ITGA1: variants seen among roughly 807,000 people sequenced by gnomAD.
ITGA1 encodes integrin alpha-1.
A neutral mutation model predicts 145.9 loss-of-function variants in ITGA1; 85 were observed. The observed-to-expected ratio is 0.58, with a 90% CI of 0.49 to 0.70. The LOEUF is 0.70. ITGA1 is among the 30% of genes least tolerant of loss of function. The pLI is 0.00. For synonymous variants in ITGA1, 520 were observed against 495.3 expected (o/e 1.05, Z -0.66); for missense variants, 1,351 against 1,418.7 (o/e 0.95, Z 0.77).
At chr5:52,857,306 CT>C (rs1363689887) in intron 2 of ITGA1, among the ~76,000 whole-genome samples, 3 of 152,160 alleles carry the variant, frequency 2.0e-5, no homozygotes, top group Non-Finnish European at 2.9e-5. Flanking sequence ...CAAACCTCTC[CT>C]TCTGGATCCA....
intron 2 of ITGA1, among the ~76,000 whole-genome samples, chr5:52,857,961 T>C (rs57077644): frequency 0.011 from 1,673 of 152,292 alleles, 36 homozygotes; most frequent in African/African-American, 0.038. Context: ...AAAACTTACC[T>C]GAACCAAAGT....
intron 1 of ITGA1, chr5:52,801,329 T>C: frequency 7.7e-7 from 1 of 1,291,012 alleles, no homozygotes; most frequent in Non-Finnish European, 1.1e-6. Context: ...TACTAGCGCT[T>C]TTGGCTTTAA....
At chr5:52,841,313 G>A (rs1162297286) in intron 1 of ITGA1, among the ~76,000 whole-genome samples, 2 of 152,152 alleles carry the variant, frequency 1.3e-5, no homozygotes, top group Admixed American at 6.5e-5. Flanking sequence ...TTGAGATTAT[G>A]ATGTCATTTC....
intron 23 of ITGA1, among the ~76,000 whole-genome samples, chr5:52,937,091 A>T (rs1336964728): frequency 1.3e-5 from 2 of 152,078 alleles, no homozygotes; most frequent in South Asian, 2.1e-4. Flanking sequence ...TGAGCATGGC[A>T]AGAACATAAT....
chr5:52,929,762 C>T (rs1194166741), intron 21 of ITGA1, 61 bp downstream of exon 21: 8 of 900,330 alleles, frequency 8.9e-6, no homozygotes, highest in Admixed American at 2.4e-5. Flanking sequence ...CTGTGTATGT[C>T]GAATATTTTG....
intron 1 of ITGA1, chr5:52,801,879 A>G: frequency 1.4e-6 from 2 of 1,445,774 alleles, no homozygotes; most frequent in Non-Finnish European, 1.9e-6. Context: ...TGTGTTTCCT[A>G]AACTGTTACA....
chr5:52,856,416 A>C (rs776090567), intron 2 of ITGA1, among the ~76,000 whole-genome samples: 2 of 152,106 alleles, frequency 1.3e-5, no homozygotes, highest in Admixed American at 6.6e-5. Context: ...CTACAAACTT[A>C]TATTTGTTCT....
rs575003413 is a variant in ITGA1, at chr5:52,814,096, A to G, written c.61+25682A>G. Among the ~76,000 whole-genome samples, 15 of 152,182 alleles carry G rather than the reference A, an allele frequency of 9.9e-5. No homozygotes were observed. In the East Asian group the frequency reaches 2.3e-3, roughly 24 times the overall value. Reference sequence around the variant, plus strand: ...TGTTTTATGTAGCCCTGTTGGACTGATTTCACTTCTTTTTAGTCTCAGGAT... The same window carrying G: ...TGTTTTATGTAGCCCTGTTGGACTGGTTTCACTTCTTTTTAGTCTCAGGAT... On this transcript the variant is annotated intron_variant, in intron 1 of 28. Coordinates refer to ENST00000282588, the MANE Select transcript of ITGA1 (RefSeq NM_181501.2).
In ITGA1 at chr5:52,955,370, TAGATAG is replaced by T. The variant is rs1751288982; in HGVS notation, c.*2921_*2926del. The T allele has an allele frequency of 6.6e-6, 1 of 151,638 alleles. No individual in the cohort carries two copies. The highest frequency in any genetic ancestry group is 2.1e-4 in the South Asian group (1 of 4,798). The allele number at this position is 151,638 out of a possible 1,614,324, so 9.4% of individuals were successfully genotyped here. On this transcript the variant is annotated 3_prime_UTR_variant, in exon 29 of 29. Coordinates refer to ENST00000282588, the MANE Select transcript of ITGA1 (RefSeq NM_181501.2). ...ACAGATAGATAGATAGATAGATAGATAGATAGATAGATAGATAGATAGATATTGATA... is the reference window on the plus strand; with the variant it reads ...ACAGATAGATAGATAGATAGATAGATATAGATAGATAGATAGATATTGATA...
chr5:52,901,722 T>A (rs1372767596), intron 11 of ITGA1: 7 of 152,218 alleles, frequency 4.6e-5, no homozygotes, highest in African/African-American at 1.7e-4. Flanking sequence ...ATGTGGAGAA[T>A]TCAACTTAAA....
At chr5:52,800,578 C>T (rs762516997) in intron 1 of ITGA1, 6 of 1,613,414 alleles carry the variant, frequency 3.7e-6, no homozygotes, top group Non-Finnish European at 5.1e-6. Flanking sequence ...CAACCGGGTC[C>T]GCACTACCCT....
intron 1 of ITGA1, among the ~76,000 whole-genome samples, chr5:52,840,323 G>C (rs138813954): frequency 6.6e-6 from 1 of 152,150 alleles, no homozygotes. Context: ...ACGCCTTTCC[G>C]TATGCAGTGC....
chr5:52,850,765 A>G (rs1200858567), intron 2 of ITGA1, among the ~76,000 whole-genome samples: 1 of 152,166 alleles, frequency 6.6e-6, no homozygotes, highest in African/African-American at 2.4e-5. Context: ...GACAAACCCA[A>G]TGCTACATGC....
Position 52,933,878 on chromosome 5 carries a change from T to C in ITGA1, c.2862-16T>C. 1 of 1,291,464 alleles carries C rather than the reference T, an allele frequency of 7.7e-7. No individual in the cohort carries two copies. Among genetic ancestry groups the C allele is most frequent in the South Asian group, 1.6e-5 (1 of 61,868 alleles). 80.0% of individuals were successfully genotyped at this position (1,291,464 alleles called of 1,614,324 possible). On this transcript the variant is annotated splice_polypyrimidine_tract_variant and intron_variant, in intron 22 of 28. Coordinates refer to ENST00000282588, the MANE Select transcript of ITGA1 (RefSeq NM_181501.2). ...ACTTTGTTATGTTTTATTTTTCTTC[T>C]AATTAATTTTTTAAGCTCTGCAAGT... is the stretch of plus-strand genomic sequence containing the variant.
chr5:52,951,677 G>A (rs146681172), intron 28 of ITGA1, among the ~76,000 whole-genome samples: 191 of 152,196 alleles, frequency 1.3e-3, no homozygotes, highest in African/African-American at 4.5e-3. Flanking sequence ...ATACCTGTCA[G>A]ATTCCCTACC....
At chr5:52,880,586 G>A (rs1395742374) in intron 6 of ITGA1, among the ~76,000 whole-genome samples, 1 of 152,190 alleles carries the variant, frequency 6.6e-6, no homozygotes, top group Non-Finnish European at 1.5e-5. Flanking sequence ...CTGGAAACCA[G>A]TTACTGAGCC....
chr5:52,914,347 TGAG>T (rs1220236017), intron 14 of ITGA1, among the ~76,000 whole-genome samples: 2 of 151,724 alleles, frequency 1.3e-5, no homozygotes, highest in African/African-American at 4.8e-5. Context: ...CTTAAAAAAA[TGAG>T]GAGGATTGCT....
At chr5:52,874,727 A>C (rs756874491) in intron 6 of ITGA1, among the ~76,000 whole-genome samples, 1 of 152,146 alleles carries the variant, frequency 6.6e-6, no homozygotes, top group Non-Finnish European at 1.5e-5. Context: ...AAGAGCAATA[A>C]AAAAAATCAC....
chr5:52,887,586 G>A lies in ITGA1; in HGVS notation c.774-229G>A, dbSNP rs188266494. On this transcript the variant is annotated intron_variant, in intron 7 of 28. Coordinates refer to ENST00000282588, the MANE Select transcript of ITGA1 (RefSeq NM_181501.2). ...AAATACTGCTGCCTTTTTATATATAGGATGTGTGGTGATTAGCAAAACGGA... is the reference window on the plus strand; with the variant it reads ...AAATACTGCTGCCTTTTTATATATAAGATGTGTGGTGATTAGCAAAACGGA... Among the ~76,000 whole-genome samples the A allele has an allele frequency of 2.6e-5, 4 of 152,248 alleles. No individual in the cohort carries two copies. The East Asian group carries it at 7.7e-4, about 29-fold the overall frequency.
Sources: gnomAD v4.1 joint callset for allele counts (sites outside exome capture counted in the v4.1 genomes callset) on GRCh38, gnomAD v4.1.1 for gene constraint, MANE v1.5 for transcripts, NCBI Gene and HGNC (gene_info 2026-07-23, HGNC 2026-07-21) for gene names.